CFTR: variants seen among roughly 807,000 people sequenced by gnomAD.
CFTR encodes CF transmembrane conductance regulator.
CFTR carries 181 observed loss-of-function variants against 171.6 expected under a neutral mutation model. The observed-to-expected ratio is 1.05, with a 90% CI of 0.93 to 1.19. The LOEUF is 1.19. Among genes scored for constraint, CFTR ranks in the 50% most tolerant of loss-of-function variants. CFTR has a pLI of 0.00. For synonymous variants in CFTR, 583 were observed against 608.0 expected, an observed-to-expected ratio of 0.96 and a Z score of 0.60; for missense variants, 1,968 against 1,734.7, an observed-to-expected ratio of 1.13 and a Z score of -2.39.
chr7:117,625,687 C>A (rs1792640163), intron 21 of CFTR, among the ~76,000 whole-genome samples: 1 of 152,058 alleles, frequency 6.6e-6, no homozygotes, highest in African/African-American at 2.4e-5. Flanking sequence ...TTTGTGTATA[C>A]CCTTCAATTA....
intron 11 of CFTR, among the ~76,000 whole-genome samples, chr7:117,572,914 A>G (rs895203363): frequency 6.6e-6 from 1 of 152,182 alleles, no homozygotes; most frequent in Non-Finnish European, 1.5e-5. Context: ...ATAAAGAGTA[A>G]TAAGCCAGCC....
intron 9 of CFTR, among the ~76,000 whole-genome samples, chr7:117,542,435 T>A (rs948948241): frequency 6.6e-6 from 1 of 152,052 alleles, no homozygotes; most frequent in African/African-American, 2.4e-5. Context: ...TAGTCCCAGC[T>A]GCTCGGGAGG....
At chr7:117,612,020 T>C (rs1430404645) in intron 20 of CFTR, among the ~76,000 whole-genome samples, 2 of 47,372 alleles carry the variant, frequency 4.2e-5, no homozygotes, top group African/African-American at 2.5e-4. Context: ...TATATATATA[T>C]ATGTATATAT....
intron 1 of CFTR, among the ~76,000 whole-genome samples, chr7:117,483,586 G>T (rs1798029377): frequency 6.6e-6 from 1 of 152,018 alleles, no homozygotes; most frequent in South Asian, 2.1e-4. Context: ...AAAAGACAGA[G>T]TCTCACTCTG....
At chr7:117,566,260 C>T (rs1791600690) in intron 11 of CFTR, among the ~76,000 whole-genome samples, 1 of 150,770 alleles carries the variant, frequency 6.6e-6, no homozygotes, top group South Asian at 2.1e-4. Flanking sequence ...CACACACACA[C>T]ACACACACAC....
chr7:117,642,290 C>T, intron 22 of CFTR, 148 bp from the exon 23 acceptor site: 1 of 792,648 alleles, frequency 1.3e-6, no homozygotes, highest in Non-Finnish European at 2.1e-6. Flanking sequence ...TGAAAGTGTG[C>T]AACAAGGTTT....
Position 117,592,407 on chromosome 7 carries a change from C to T in CFTR, c.2240C>T (p.Ala747Val), listed in dbSNP as rs748908591. ...SLVPDSEQGEAILPRISVIST... is the reference protein window; with the variant it reads ...SLVPDSEQGEVILPRISVIST... ...GTACCAGATTCTGAGCAGGGAGAGG[C>T]GATACTGCCTCGCATCAGCGTGATC... The change falls in exon 14 of 27, where the codon GCG becomes GTG. Residue 747 changes from alanine (A) to valine (V), a missense_variant. Coordinates refer to ENST00000003084, the MANE Select transcript of CFTR (RefSeq NM_000492.4). The T allele has an allele frequency of 9.3e-6, 15 of 1,613,436 alleles. No homozygotes were observed. In the South Asian group the frequency reaches 1.4e-4, roughly 15 times the overall value.
chr7:117,481,895 C>T (rs1798005642), intron 1 of CFTR, among the ~76,000 whole-genome samples: 1 of 152,226 alleles, frequency 6.6e-6, no homozygotes, highest in Non-Finnish European at 1.5e-5. Flanking sequence ...TGTTTAGTAG[C>T]TCTGTTGCCT....
chr7:117,608,878 T>C (rs1236405424), intron 18 of CFTR, among the ~76,000 whole-genome samples: 2 of 152,212 alleles, frequency 1.3e-5, no homozygotes, highest in Non-Finnish European at 2.9e-5. Flanking sequence ...CTCTATTTTC[T>C]ATTATTTTTC....
intron 1 of CFTR, among the ~76,000 whole-genome samples, chr7:117,481,110 G>T (rs1420217090): frequency 3.9e-5 from 6 of 152,180 alleles, no homozygotes; most frequent in Non-Finnish European, 7.3e-5. Flanking sequence ...TAGGGGGGAA[G>T]GAATTTAGCT....
At position 117,665,504 on chromosome 7, in the gene CFTR, T is replaced by C. The variant is rs763937782; in HGVS notation, c.4182T>C (p.Asp1394=). Residue 1394 remains aspartate (D), a synonymous_variant, in exon 26 of 27, where the codon GAT becomes GAC. Coordinates refer to ENST00000003084, the MANE Select transcript of CFTR (RefSeq NM_000492.4). Reference sequence around the variant, plus strand: ...GAACTCTAAAACAAGCATTTGCTGATTGCACAGTAATTCTCTGTGAACACA... The same window carrying C: ...GAACTCTAAAACAAGCATTTGCTGACTGCACAGTAATTCTCTGTGAACACA... The part of the protein sequence containing the change: ...IRRTLKQAFA[D]CTVILCEHRI... 33 of 1,613,432 alleles carry C rather than the reference T, an allele frequency of 2.0e-5. No individual in the cohort carries two copies. The highest frequency in any genetic ancestry group is 2.8e-5 in the Non-Finnish European group (33 of 1,179,512).
At chr7:117,575,898 T>C (rs1791762939) in intron 11 of CFTR, among the ~76,000 whole-genome samples, 1 of 152,176 alleles carries the variant, frequency 6.6e-6, no homozygotes, top group Non-Finnish European at 1.5e-5. Context: ...GTGGGATCTT[T>C]TGTTGTAGAG....
chr7:117,663,009 A>G (rs746408308), intron 24 of CFTR, among the ~76,000 whole-genome samples: 29 of 152,160 alleles, frequency 1.9e-4, no homozygotes, highest in Admixed American at 5.2e-4. Context: ...TCTCAAGCCA[A>G]GGAATAGATG....
chr7:117,545,847 A>G (rs1799137380), intron 9 of CFTR, among the ~76,000 whole-genome samples: 3 of 151,812 alleles, frequency 2.0e-5, no homozygotes, highest in Admixed American at 1.3e-4. Flanking sequence ...AAGAGATAGA[A>G]TCTTGCTCTA....
intron 24 of CFTR, among the ~76,000 whole-genome samples, chr7:117,657,670 G>A (rs1206502817): frequency 6.6e-6 from 1 of 152,198 alleles, no homozygotes; most frequent in Admixed American, 6.5e-5. Flanking sequence ...GGGCAAACCA[G>A]GATGTATGTC....
chr7:117,591,818 T>C, intron 13 of CFTR, 116 bp from the exon 14 acceptor site: 1 of 632,542 alleles, frequency 1.6e-6, no homozygotes, highest in Non-Finnish European at 2.6e-6. Flanking sequence ...TAAAATATAA[T>C]AAAATTGTAT....
At chr7:117,564,002 A>G (rs757923685) in intron 11 of CFTR, among the ~76,000 whole-genome samples, 1 of 152,218 alleles carries the variant, frequency 6.6e-6, no homozygotes, top group African/African-American at 2.4e-5. Flanking sequence ...AACTTAGTAT[A>G]TGCTGTTTTC....
chr7:117,488,739 C>A (rs766469649), intron 1 of CFTR, among the ~76,000 whole-genome samples: 1 of 151,924 alleles, frequency 6.6e-6, no homozygotes, highest in Non-Finnish European at 1.5e-5. Flanking sequence ...AAACAGTTAA[C>A]CTAGTGCTCT....
intron 3 of CFTR, 121 bp downstream of exon 3, chr7:117,509,263 A>G: frequency 1.4e-6 from 1 of 697,940 alleles, no homozygotes; most frequent in Non-Finnish European, 2.5e-6. Flanking sequence ...TCCAACTCCA[A>G]ACACTAAGAA....
Sources: gnomAD v4.1 joint callset for allele counts (sites outside exome capture counted in the v4.1 genomes callset) on GRCh38, gnomAD v4.1.1 for gene constraint, MANE v1.5 for transcripts, NCBI Gene and HGNC (gene_info 2026-07-23, HGNC 2026-07-21) for gene names.